The following ARB2A variants were observed in gnomAD, a reference collection of about 807,000 sequenced individuals.
ARB2A encodes ARB2 cotranscriptional regulator A.
the ARB2A span, among the ~76,000 whole-genome samples, chr5:94,001,361 G>T: frequency 2.0e-5 from 3 of 151,862 alleles, no homozygotes; most frequent in African/African-American, 7.3e-5. Context: ...GTACAAATTT[G>T]GTTTCTGATA....
the ARB2A span, chr5:94,055,748 T>C: frequency 1.6e-5 from 16 of 985,328 alleles, no homozygotes; most frequent in Non-Finnish European, 1.9e-5. Flanking sequence ...ATTTTCCTTC[T>C]TCCAATGAAT....
At chr5:94,062,237 T>C in the ARB2A span, among the ~76,000 whole-genome samples, 1 of 152,176 alleles carries the variant, frequency 6.6e-6, no homozygotes, top group Non-Finnish European at 1.5e-5. Flanking sequence ...CCTCAACCTA[T>C]ATCTCACATC....
At chr5:94,075,189 G>A in the ARB2A span, among the ~76,000 whole-genome samples, 1 of 151,978 alleles carries the variant, frequency 6.6e-6, no homozygotes, top group Non-Finnish European at 1.5e-5. Context: ...CATTTACAAG[G>A]TCAGAATGTC....
At chr5:94,050,946 T>A in the ARB2A span, 1 of 718,108 alleles carries the variant, frequency 1.4e-6, no homozygotes, top group Admixed American at 3.3e-5. Flanking sequence ...GAACAGTTTA[T>A]CTTTTTCATT....
chr5:94,032,753 G>A, the ARB2A span, among the ~76,000 whole-genome samples: 2 of 152,176 alleles, frequency 1.3e-5, no homozygotes, highest in Non-Finnish European at 1.5e-5. Flanking sequence ...CACATAAAGT[G>A]AGAGATGATT....
the ARB2A span, among the ~76,000 whole-genome samples, chr5:94,088,714 T>C: frequency 2.6e-5 from 4 of 152,184 alleles, no homozygotes; most frequent in South Asian, 2.1e-4. Flanking sequence ...GTAAGCCCTT[T>C]TGAAAATCTC....
At chr5:93,798,119 T>G in the ARB2A span, among the ~76,000 whole-genome samples, 1 of 152,056 alleles carries the variant, frequency 6.6e-6, no homozygotes, top group Non-Finnish European at 1.5e-5. Flanking sequence ...TGCATAGGAA[T>G]GAGGAACAAA....
the ARB2A span, among the ~76,000 whole-genome samples, chr5:93,927,501 G>A: frequency 3.0e-4 from 45 of 152,208 alleles, no homozygotes; most frequent in Admixed American, 9.2e-4. Flanking sequence ...CCTCAGTACC[G>A]TAAACTTCAT....
the ARB2A span, among the ~76,000 whole-genome samples, chr5:93,985,007 C>A: frequency 6.6e-6 from 1 of 152,222 alleles, no homozygotes; most frequent in Non-Finnish European, 1.5e-5. Flanking sequence ...CTATCTCCTA[C>A]AGGAAATCTT....
the ARB2A span, among the ~76,000 whole-genome samples, chr5:93,998,304 C>A: frequency 6.6e-6 from 1 of 151,776 alleles, no homozygotes; most frequent in Non-Finnish European, 1.5e-5. Flanking sequence ...CTGTGGAAGT[C>A]AAATAGAGTT....
chr5:94,001,713 A>G, the ARB2A span, among the ~76,000 whole-genome samples: 1 of 151,982 alleles, frequency 6.6e-6, no homozygotes, highest in Non-Finnish European at 1.5e-5. Flanking sequence ...CTGTTCTTGC[A>G]TAATGTCCAT....
chr5:94,042,314 C>CT, the ARB2A span, among the ~76,000 whole-genome samples: 5,463 of 103,036 alleles, frequency 0.053, 256 homozygotes, highest in Admixed American at 0.1. Flanking sequence ...AAAAGATCAG[C>CT]TTTTTTTTTT....
At chr5:93,802,646 T>A in the ARB2A span, among the ~76,000 whole-genome samples, 1 of 152,092 alleles carries the variant, frequency 6.6e-6, no homozygotes. Context: ...ATAAAAAGAT[T>A]GCTATGTGCA....
the ARB2A span, among the ~76,000 whole-genome samples, chr5:93,841,025 G>A: frequency 2.0e-5 from 3 of 152,102 alleles, no homozygotes; most frequent in South Asian, 2.1e-4. Flanking sequence ...CCAAAACTGG[G>A]CTCCACTGTA....
the ARB2A span, among the ~76,000 whole-genome samples, chr5:94,052,490 TAATGCAG>T: frequency 6.6e-6 from 1 of 152,182 alleles, no homozygotes; most frequent in African/African-American, 2.4e-5. Context: ...CCAATTCGGT[TAATGCAG>T]AACAACCAAT....
chr5:93,954,972 C>T, the ARB2A span, among the ~76,000 whole-genome samples: 1 of 152,056 alleles, frequency 6.6e-6, no homozygotes. Context: ...AGTCACTGTG[C>T]TCTCCCTCCC....
the ARB2A span, among the ~76,000 whole-genome samples, chr5:93,835,737 C>T: frequency 2.8e-4 from 42 of 152,264 alleles, no homozygotes; most frequent in Non-Finnish European, 4.7e-4. Flanking sequence ...TGTACATACA[C>T]ACACACACAC....
the ARB2A span, among the ~76,000 whole-genome samples, chr5:93,918,316 CAT>C: frequency 2.0e-5 from 3 of 151,556 alleles, no homozygotes; most frequent in Admixed American, 6.6e-5. Flanking sequence ...TGTGTAAACA[CAT>C]GTGTGGGAAG....
the ARB2A span, among the ~76,000 whole-genome samples, chr5:93,911,832 A>G: frequency 5.3e-5 from 8 of 151,546 alleles, no homozygotes; most frequent in Non-Finnish European, 1.0e-4. Context: ...GTCCCTCTCT[A>G]TTGGCTGCCT....
Sources: gnomAD v4.1 joint callset for allele counts (sites outside exome capture counted in the v4.1 genomes callset) on GRCh38, gnomAD v4.1.1 for gene constraint, MANE v1.5 for transcripts, NCBI Gene and HGNC (gene_info 2026-07-23, HGNC 2026-07-21) for gene names.